FAM107B: variants seen among roughly 807,000 people sequenced by gnomAD.
The protein encoded by FAM107B is protein FAM107B.
FAM107B carries 21 observed loss-of-function variants against 31.5 expected under a neutral mutation model. That is an observed-to-expected ratio of 0.67 (90% CI 0.47 to 0.96). FAM107B has a LOEUF of 0.96. FAM107B is among the 40% of genes least tolerant of loss of function. The pLI is 0.00. For missense variants in FAM107B, 452 were observed against 377.1 expected, an observed-to-expected ratio of 1.20 and a Z score of -1.64; for synonymous variants, 157 against 141.5, an observed-to-expected ratio of 1.11 and a Z score of -0.78.
intron 2 of FAM107B, among the ~76,000 whole-genome samples, chr10:14,637,644 A>T (rs1317485638): frequency 1.3e-5 from 2 of 152,094 alleles, no homozygotes; most frequent in African/African-American, 4.8e-5. Flanking sequence ...CCTGTCTCAA[A>T]ACAAACAAAC....
intron 1 of FAM107B, among the ~76,000 whole-genome samples, chr10:14,680,364 A>G (rs895065575): frequency 6.6e-6 from 1 of 152,110 alleles, no homozygotes; most frequent in Non-Finnish European, 1.5e-5. Context: ...ACCTGAGGTC[A>G]GGAGTTCGAG....
chr10:14,597,372 C>T (rs954619767), intron 2 of FAM107B, among the ~76,000 whole-genome samples: 2 of 152,204 alleles, frequency 1.3e-5, no homozygotes, highest in African/African-American at 2.4e-5. Flanking sequence ...ACAAAGTATG[C>T]TCTGTCCCAT....
chr10:14,538,796 G>C (rs1847894103), intron 2 of FAM107B, among the ~76,000 whole-genome samples: 1 of 152,204 alleles, frequency 6.6e-6, no homozygotes, highest in Non-Finnish European at 1.5e-5. Flanking sequence ...TTCATCCATA[G>C]TCCATGGGAA....
At chr10:14,676,632 C>T (rs923596352) in intron 1 of FAM107B, among the ~76,000 whole-genome samples, 3 of 152,156 alleles carry the variant, frequency 2.0e-5, no homozygotes, top group Non-Finnish European at 4.4e-5. Context: ...GCCCCACCTC[C>T]GTCTGAAGCT....
At chr10:14,727,678 G>A in intron 1 of FAM107B, among the ~76,000 whole-genome samples, 1 of 152,188 alleles carries the variant, frequency 6.6e-6, no homozygotes, top group East Asian at 1.9e-4. Flanking sequence ...GTTGTCCACT[G>A]TGGCAGCTGA....
At chr10:14,739,975 C>T (rs764993332) in intron 1 of FAM107B, among the ~76,000 whole-genome samples, 11 of 152,102 alleles carry the variant, frequency 7.2e-5, no homozygotes, top group South Asian at 4.1e-4. Flanking sequence ...CATCAAATTG[C>T]GGAGAAGATA....
chr10:14,694,346 G>T (rs1329679641), intron 1 of FAM107B, among the ~76,000 whole-genome samples: 1 of 152,068 alleles, frequency 6.6e-6, no homozygotes, highest in African/African-American at 2.4e-5. Context: ...AGTACATAAG[G>T]GTTCCCTTTT....
chr10:14,537,393 A>G (rs1847730229), intron 2 of FAM107B, among the ~76,000 whole-genome samples: 1 of 152,214 alleles, frequency 6.6e-6, no homozygotes, highest in Non-Finnish European at 1.5e-5. Context: ...TGACAGCTTC[A>G]AGAGCATGGG....
chr10:14,643,891 C>G (rs1379432872), intron 2 of FAM107B, among the ~76,000 whole-genome samples: 2 of 152,238 alleles, frequency 1.3e-5, no homozygotes, highest in Non-Finnish European at 2.9e-5. Context: ...TCCACAACAA[C>G]TGCAGGCTTC....
At chr10:14,601,802 T>C (rs879562217) in intron 2 of FAM107B, among the ~76,000 whole-genome samples, 1 of 152,242 alleles carries the variant, frequency 6.6e-6, no homozygotes, top group Admixed American at 6.5e-5. Context: ...TCCTCATCTT[T>C]CCTCTTTCCA....
At position 14,590,079 on chromosome 10, in the gene FAM107B, C is replaced by A. The variant is rs551021004; in HGVS notation, c.470-59564G>T. On this transcript the variant is annotated intron_variant, in intron 2 of 4. Transcript: ENST00000181796. ...AGGATGAGTTTTGGTTCCAACTCTACAAATCATTAGCTGTGTGGTCTTGGG... is the reference window on the plus strand; with the variant it reads ...AGGATGAGTTTTGGTTCCAACTCTAAAAATCATTAGCTGTGTGGTCTTGGG... Among the ~76,000 whole-genome samples the A allele has an allele frequency of 1.4e-4, 21 of 152,292 alleles. No homozygotes were observed. In the East Asian group the frequency reaches 3.9e-3, roughly 28 times the overall value.
At position 14,565,687 on chromosome 10, in the gene FAM107B, G is replaced by A. The variant is rs566468946; in HGVS notation, c.470-35172C>T. 2.6e-5 allele frequency among the ~76,000 whole-genome samples: 4 copies of A among 152,264 alleles called. No individual in the cohort carries two copies. The South Asian group carries it at 6.2e-4, about 24-fold the overall frequency. Reference sequence around the variant, plus strand: ...GCCAAAATCCTACAGCAAACGAAGCGGCTGAAACTGCTGATATTCCTCAGC... The same window carrying A: ...GCCAAAATCCTACAGCAAACGAAGCAGCTGAAACTGCTGATATTCCTCAGC... On this transcript the variant is annotated intron_variant, in intron 2 of 4. Coordinates refer to ENST00000181796, the MANE Select transcript of FAM107B (RefSeq NM_031453.4).
intron 2 of FAM107B, among the ~76,000 whole-genome samples, chr10:14,613,726 A>G (rs61842711): frequency 0.071 from 10,862 of 152,246 alleles, 407 homozygotes; most frequent in East Asian, 0.12. Context: ...ACAAGCATAC[A>G]CTATGACTCA....
intron 2 of FAM107B, among the ~76,000 whole-genome samples, chr10:14,664,928 T>C (rs1468597058): frequency 6.6e-6 from 1 of 152,144 alleles, no homozygotes; most frequent in African/African-American, 2.4e-5. Flanking sequence ...GAAACACAAG[T>C]ACACCCAAAG....
intron 2 of FAM107B, among the ~76,000 whole-genome samples, chr10:14,534,489 T>C (rs1205977362): frequency 6.6e-6 from 1 of 152,146 alleles, no homozygotes; most frequent in Non-Finnish European, 1.5e-5. Flanking sequence ...ACAACTCTGG[T>C]ATAAGGCAAC....
rs1855901821 is a variant in FAM107B at position 14,721,118 on chromosome 10, G to A, written c.411+53135C>T. Among the ~76,000 whole-genome samples, 5 of 152,042 alleles carry A rather than the reference G, an allele frequency of 3.3e-5. No individual in the cohort carries two copies. The South Asian group carries it at 1.0e-3, about 31-fold the overall frequency. ...TGTTTTGTTTTCTGTCCTTGTAATA[G>A]TTTGCTGAGAATGATGGTTTCCAGC... On this transcript the variant is annotated intron_variant, in intron 1 of 4. Coordinates refer to ENST00000181796, the MANE Select transcript of FAM107B (RefSeq NM_031453.4).
At chr10:14,708,927 G>GA (rs1855579530) in intron 1 of FAM107B, among the ~76,000 whole-genome samples, 2 of 78,100 alleles carry the variant, frequency 2.6e-5, no homozygotes, top group Non-Finnish European at 3.2e-5. Context: ...TTAAAACAAT[G>GA]GAAAATTAGC....
At chr10:14,638,015 A>G (rs965986827) in intron 2 of FAM107B, among the ~76,000 whole-genome samples, 3 of 152,152 alleles carry the variant, frequency 2.0e-5, no homozygotes, top group African/African-American at 7.2e-5. Flanking sequence ...TCATAAATAT[A>G]TGTTGTGCTT....
intron 1 of FAM107B, among the ~76,000 whole-genome samples, chr10:14,770,433 G>A (rs1833275235): frequency 6.6e-6 from 1 of 152,116 alleles, no homozygotes. Flanking sequence ...TGAGGCAGGA[G>A]AATTACTTGA....
Sources: allele counts gnomAD v4.1 joint callset (sites outside exome capture counted in the v4.1 genomes callset), GRCh38; gene constraint gnomAD v4.1.1; transcripts MANE v1.5; gene names NCBI Gene and HGNC (gene_info 2026-07-23, HGNC 2026-07-21).